SCGB2B2: variants seen among roughly 807,000 people sequenced by gnomAD.
The protein encoded by SCGB2B2 is secretoglobin family 2B member 2.
Under a neutral mutation model 7.6 loss-of-function variants are expected in SCGB2B2, and 11 were observed. That is an observed-to-expected ratio of 1.45 (90% CI 0.91 to 2.40). SCGB2B2 has a LOEUF of 2.40. Among genes scored for constraint, SCGB2B2 ranks in the 30% most tolerant of loss-of-function variants. SCGB2B2 has a pLI of 0.00. For synonymous variants in SCGB2B2, 50 were observed against 48.6 expected (o/e 1.03, Z -0.12); for missense variants, 104 against 115.4 (o/e 0.90, Z 0.45).
chr19:34,599,683 G>A (rs186463577), intron 1 of SCGB2B2, among the ~76,000 whole-genome samples: 5 of 152,232 alleles, frequency 3.3e-5, no homozygotes, highest in Non-Finnish European at 7.4e-5. Context: ...GGGACACGGA[G>A]CCAAACCATA....
At chr19:34,657,685 C>A (rs955476154) in intron 1 of SCGB2B2, among the ~76,000 whole-genome samples, 4 of 151,446 alleles carry the variant, frequency 2.6e-5, no homozygotes, top group Non-Finnish European at 5.9e-5. Flanking sequence ...AGTATTAGAT[C>A]AATGGAGAGA....
At chr19:34,638,104 C>T (rs1444915379) in intron 1 of SCGB2B2, 1 of 151,744 alleles carries the variant, frequency 6.6e-6, no homozygotes, top group African/African-American at 2.4e-5. Flanking sequence ...TAACACTGTC[C>T]TTATCACCCT....
At chr19:34,614,767 A>C (rs2066025087) in intron 1 of SCGB2B2, among the ~76,000 whole-genome samples, 1 of 152,224 alleles carries the variant, frequency 6.6e-6, no homozygotes, top group South Asian at 2.1e-4. Context: ...TCATAAAGTA[A>C]GACTTTCCCC....
downstream of SCGB2B2, among the ~76,000 whole-genome samples, chr19:34,587,887 C>T (rs2065217291): frequency 6.6e-6 from 1 of 152,190 alleles, no homozygotes; most frequent in Non-Finnish European, 1.5e-5. Context: ...TTCCACTTGG[C>T]ATAGGAATGA....
chr19:34,593,730 T>A, intron 3 of SCGB2B2, 131 bp from the exon 4 acceptor site: 1 of 689,434 alleles, frequency 1.5e-6, no homozygotes, highest in Non-Finnish European at 2.5e-6. Flanking sequence ...TCCCAGGCTC[T>A]GGACAAAGAT....
At chr19:34,614,905 T>C (rs1017564672) in intron 1 of SCGB2B2, among the ~76,000 whole-genome samples, 3 of 152,234 alleles carry the variant, frequency 2.0e-5, no homozygotes, top group South Asian at 2.1e-4. Flanking sequence ...AGTGACCCCA[T>C]GGCCTAGACT....
chr19:34,675,289 A>G (rs1295677964), intron 1 of SCGB2B2, among the ~76,000 whole-genome samples: 1 of 152,254 alleles, frequency 6.6e-6, no homozygotes, highest in African/African-American at 2.4e-5. Context: ...TGCACAATCC[A>G]GTCTTTCCTT....
chr19:34,625,513 C>T (rs769777183), intron 1 of SCGB2B2, among the ~76,000 whole-genome samples: 8 of 152,194 alleles, frequency 5.3e-5, no homozygotes, highest in South Asian at 4.1e-4. Flanking sequence ...CACGGAGCCT[C>T]GCTCATTGCT....
At chr19:34,647,126 C>T (rs1187139124) in intron 1 of SCGB2B2, among the ~76,000 whole-genome samples, 1 of 152,322 alleles carries the variant, frequency 6.6e-6, no homozygotes, top group South Asian at 2.1e-4. Flanking sequence ...CTCAGCTCTG[C>T]TCCTCGGGCT....
chr19:34,587,092 C>T (rs560824896), downstream of SCGB2B2, among the ~76,000 whole-genome samples: 13 of 151,920 alleles, frequency 8.6e-5, no homozygotes, highest in Non-Finnish European at 1.3e-4. Context: ...TATTTTTAGT[C>T]GAGATGGGGT....
At chr19:34,602,776 C>T (rs1270260) in intron 1 of SCGB2B2, among the ~76,000 whole-genome samples, 128,086 of 152,130 alleles carry the variant, frequency 0.84, 54,705 homozygotes, top group African/African-American at 0.91. Flanking sequence ...TTAGATATTT[C>T]GCTTTTGCTA....
intron 1 of SCGB2B2, among the ~76,000 whole-genome samples, chr19:34,645,108 A>G (rs1249499822): frequency 6.6e-6 from 1 of 152,198 alleles, no homozygotes; most frequent in African/African-American, 2.4e-5. Context: ...CACACACACG[A>G]ACCCAGATGT....
At chr19:34,612,926 C>T (rs1340981444) in intron 1 of SCGB2B2, among the ~76,000 whole-genome samples, 1 of 152,116 alleles carries the variant, frequency 6.6e-6, no homozygotes. Context: ...CACTTGAGCC[C>T]TTATTAATGA....
At chr19:34,609,949 T>C (rs900994349) in intron 1 of SCGB2B2, among the ~76,000 whole-genome samples, 6 of 152,172 alleles carry the variant, frequency 3.9e-5, no homozygotes, top group Admixed American at 2.0e-4. Context: ...CTTCCAATCA[T>C]GAACATGAGA....
chr19:34,642,714 CA>C (rs55922005), intron 1 of SCGB2B2, among the ~76,000 whole-genome samples: 2 of 39,876 alleles, frequency 5.0e-5, no homozygotes, highest in African/African-American at 2.0e-4. Flanking sequence ...GACTCCGTCT[CA>C]AAAAAAAAAA....
Position 34,591,437 on chromosome 19 carries a change from TGTC to T in SCGB2B2, c.*2115_*2117del. Reference sequence around the variant, plus strand: ...GGGCTGCACTGTGACAAGGCCACGGTGTCTACCTGGACGGCCACAGGGACTCCC... The same window carrying T: ...GGGCTGCACTGTGACAAGGCCACGGTTACCTGGACGGCCACAGGGACTCCC... On this transcript the variant is annotated 3_prime_UTR_variant, in exon 4 of 4. Transcript: ENST00000601241. Among the ~76,000 whole-genome samples, 1 of 152,298 alleles carries T rather than the reference TGTC, an allele frequency of 6.6e-6. No homozygotes were observed. The highest frequency in any genetic ancestry group is 1.5e-5 in the Non-Finnish European group (1 of 68,026).
At chr19:34,654,497 C>A (rs1433929182) in intron 1 of SCGB2B2, among the ~76,000 whole-genome samples, 1 of 151,236 alleles carries the variant, frequency 6.6e-6, no homozygotes, top group Non-Finnish European at 1.5e-5. Flanking sequence ...TTAAATTTAA[C>A]AAACATATTA....
rs3055684 is a variant in SCGB2B2 at position 34,594,652 on chromosome 19, CGTGTGTGT to C, written c.-97_-90del. 42,783 of 656,148 alleles carry C rather than the reference CGTGTGTGT, an allele frequency of 0.065. 643 individuals carry two copies. Among genetic ancestry groups the C allele is most frequent in the Middle Eastern group, 0.11 (260 of 2,394 alleles). 40.6% of individuals were successfully genotyped at this position (656,148 alleles called of 1,614,324 possible). On this transcript the variant is annotated 5_prime_UTR_variant, in exon 2 of 4. An upstream open reading frame in the 5' UTR loses its in-frame stop. Transcript: ENST00000601241. Reference sequence around the variant, plus strand: ...TATCTGAACAAGGCACATGCCTCTTCGTGTGTGTGTGTGTGTGTGTGTGTGTGTGTGTG... The same window carrying C: ...TATCTGAACAAGGCACATGCCTCTTCGTGTGTGTGTGTGTGTGTGTGTGTG...
chr19:34,670,328 T>C (rs1021042060), intron 1 of SCGB2B2, among the ~76,000 whole-genome samples: 7 of 152,254 alleles, frequency 4.6e-5, no homozygotes, highest in Admixed American at 2.0e-4. Context: ...ACTAACTGTG[T>C]TCCAAAGTGG....
Sources: allele counts gnomAD v4.1 joint callset (sites outside exome capture counted in the v4.1 genomes callset), GRCh38; gene constraint gnomAD v4.1.1; transcripts MANE v1.5; gene names NCBI Gene and HGNC (gene_info 2026-07-23, HGNC 2026-07-21).